Variants in SPTLC2 observed in about 807,000 individuals in gnomAD.
SPTLC2 encodes the protein serine palmitoyltransferase long chain base subunit 2, also known as serine palmitoyltransferase 2.
A neutral mutation model predicts 62.0 loss-of-function variants in SPTLC2; 21 were observed. That is an observed-to-expected ratio of 0.34 (90% CI 0.24 to 0.49). SPTLC2 has a LOEUF of 0.49. SPTLC2 is among the 20% of genes least tolerant of loss of function. SPTLC2 has a pLI of 0.99. For missense variants in SPTLC2, 511 were observed against 713.0 expected (o/e 0.72, Z 3.23); for synonymous variants, 261 against 261.8 (o/e 1.00, Z 0.03).
chr14:77,578,844 C>G (rs1169439167), intron 3 of SPTLC2, 111 bp downstream of exon 3: 2 of 1,171,246 alleles, frequency 1.7e-6, no homozygotes, highest in African/African-American at 1.5e-5. Flanking sequence ...ATATTGTATC[C>G]TCAGCTGCTA....
At chr14:77,518,819 C>T (rs548212717) in intron 10 of SPTLC2, among the ~76,000 whole-genome samples, 2 of 152,278 alleles carry the variant, frequency 1.3e-5, no homozygotes, top group Admixed American at 1.3e-4. Flanking sequence ...TCACACGTTT[C>T]TTTAATTGTC....
chr14:77,608,132 A>G (rs973002911), intron 1 of SPTLC2, among the ~76,000 whole-genome samples: 3 of 152,316 alleles, frequency 2.0e-5, no homozygotes, highest in Admixed American at 6.5e-5. Context: ...GTGATGAAGC[A>G]TATCAGAGTG....
chr14:77,572,962 C>T (rs1175746170), intron 4 of SPTLC2, among the ~76,000 whole-genome samples: 3 of 152,322 alleles, frequency 2.0e-5, no homozygotes, highest in East Asian at 1.9e-4. Context: ...TTTCTCTCTA[C>T]CAGCAATAAA....
chr14:77,616,411 A>C, intron 1 of SPTLC2, 37 bp downstream of exon 1: 2 of 1,325,198 alleles, frequency 1.5e-6, no homozygotes, highest in Non-Finnish European at 1.9e-6. Context: ...GCCAGTCCAC[A>C]CCGCCACCCC....
chr14:77,559,356 A>G (rs1443553342), intron 6 of SPTLC2, among the ~76,000 whole-genome samples: 2 of 152,172 alleles, frequency 1.3e-5, no homozygotes, highest in Admixed American at 6.6e-5. Context: ...ATGCTTAACC[A>G]TATTATCTAC....
At chr14:77,513,425 A>C (rs978153112) in intron 11 of SPTLC2, among the ~76,000 whole-genome samples, 2 of 152,242 alleles carry the variant, frequency 1.3e-5, no homozygotes, top group African/African-American at 4.8e-5. Context: ...AATGTGAAAA[A>C]TATAAAAGCA....
At chr14:77,570,802 A>C (rs894959461) in intron 4 of SPTLC2, among the ~76,000 whole-genome samples, 1 of 152,166 alleles carries the variant, frequency 6.6e-6, no homozygotes, top group Non-Finnish European at 1.5e-5. Flanking sequence ...TTCCAGGTCT[A>C]GGCCTTAGGA....
At chr14:77,573,673 G>T (rs1170536295) in intron 4 of SPTLC2, among the ~76,000 whole-genome samples, 1 of 152,152 alleles carries the variant, frequency 6.6e-6, no homozygotes, top group Non-Finnish European at 1.5e-5. Context: ...CTGTTGCCCA[G>T]GTGGAGTGCA....
intron 2 of SPTLC2, among the ~76,000 whole-genome samples, chr14:77,580,398 G>A (rs796824328): frequency 7.3e-5 from 11 of 150,636 alleles, no homozygotes; most frequent in African/African-American, 2.4e-4. Context: ...CAGCAGAATC[G>A]CTTGAACCTG....
intron 9 of SPTLC2, among the ~76,000 whole-genome samples, chr14:77,531,481 C>CCTCCTCCTCCTCCTCCT: frequency 1.1e-5 from 1 of 90,284 alleles, no homozygotes; most frequent in African/African-American, 5.2e-5. Context: ...CTCCCCCTCC[C>CCTCCTCCTCCTCCTCCT]CCTCCTCCTC....
rs1204828880 is a variant in SPTLC2, at chr14:77,510,244, AC to A, written c.*2039del. 3.7e-6 allele frequency: 1 copy of A among 272,646 alleles called. No homozygotes were observed. Among genetic ancestry groups the A allele is most frequent in the Non-Finnish European group, 6.8e-6 (1 of 147,882 alleles). The allele number at this position is 272,646 out of a possible 1,614,324, so 16.9% of individuals were successfully genotyped here. A position where few individuals can be genotyped will look rare whatever the true frequency, so the allele number is the denominator to read the frequency against. On this transcript the variant is annotated 3_prime_UTR_variant, in exon 12 of 12. Coordinates refer to ENST00000216484, the MANE Select transcript of SPTLC2 (RefSeq NM_004863.4). ...CTGTTCTTTAAAAAAGTAAAATAAA[AC>A]TTTGGAATATCTCAAGGGCTTATTA...
rs145707094 is a variant in SPTLC2, at chr14:77,606,507, G to C, written c.133-9127C>G. On this transcript the variant is annotated intron_variant, in intron 1 of 11. Transcript: ENST00000216484. ...CCCTCCCTTTAATTTCACATGCCCA[G>C]AGAAGTGGAGATTTCTCATGTTCAA... Among the ~76,000 whole-genome samples the C allele has an allele frequency of 2.1e-3, 320 of 152,096 alleles. 3 individuals carry two copies. Among genetic ancestry groups the C allele is most frequent in the African/African-American group, 7.1e-3 (296 of 41,478 alleles).
intron 5 of SPTLC2, among the ~76,000 whole-genome samples, chr14:77,565,084 T>C (rs2079637082): frequency 6.6e-6 from 1 of 150,772 alleles, no homozygotes; most frequent in Admixed American, 6.6e-5. Context: ...TACTAAGAAA[T>C]ACAAAAAATT....
rs779636212 is a variant in SPTLC2, at chr14:77,521,462, T to C, written c.1423A>G (p.Met475Val). 3.1e-6 allele frequency: 5 copies of C among 1,614,040 alleles called. No individual in the cohort carries two copies. The highest frequency in any genetic ancestry group is 4.2e-6 in the Non-Finnish European group (5 of 1,180,036). ...AAAACGTACCCAATTTTGGCAGGCA[T>C]GTAGAGCATCAAAGGCACTACTGGA... ...DSPVVPLMLY[M>V]PAKIGAFGRE... is the part of the protein sequence containing the mutation. Residue 475 changes from methionine to valine, a missense_variant, in exon 10 of 12, where the codon ATG becomes GTG. Physicochemically the swap from Met to Val is conservative, Grantham distance 21. Transcript: ENST00000216484.
chr14:77,571,566 C>T (rs41347855), intron 4 of SPTLC2, among the ~76,000 whole-genome samples: 87,182 of 150,830 alleles, frequency 0.58, 25,984 homozygotes, highest in East Asian at 0.91. Flanking sequence ...AAATTTGTAC[C>T]GCAATTTTAT....
chr14:77,611,439 G>C (rs1386108510), intron 1 of SPTLC2, among the ~76,000 whole-genome samples: 1 of 138,806 alleles, frequency 7.2e-6, no homozygotes, highest in African/African-American at 2.7e-5. Flanking sequence ...GGCCAGGCTG[G>C]AGCGAGACCC....
rs1171354367 is a variant in SPTLC2, at chr14:77,510,050, G to A, written c.*2234C>T. Reference sequence around the variant, plus strand: ...AGTAACTGCAGTGCAAAAGCTATGTGGTATTCCAGTGGGATTCTATGGTAG... The same window carrying A: ...AGTAACTGCAGTGCAAAAGCTATGTAGTATTCCAGTGGGATTCTATGGTAG... On this transcript the variant is annotated 3_prime_UTR_variant, in exon 12 of 12. Transcript: ENST00000216484. The A allele has an allele frequency of 2.0e-5, 8 of 397,552 alleles. No individual in the cohort carries two copies. Among genetic ancestry groups the A allele is most frequent in the Middle Eastern group, 1.3e-3 (2 of 1,576 alleles). The allele number at this position is 397,552 out of a possible 1,614,324, so 24.6% of individuals were successfully genotyped here. A position where few individuals can be genotyped will look rare whatever the true frequency, so the allele number is the denominator to read the frequency against.
At chr14:77,582,970 C>T (rs1417996301) in intron 2 of SPTLC2, among the ~76,000 whole-genome samples, 13 of 152,014 alleles carry the variant, frequency 8.6e-5, no homozygotes, top group Admixed American at 7.9e-4. Context: ...GGGCTCAAGG[C>T]GGGTGGATCG....
At chr14:77,583,575 ACT>A (rs936813334) in intron 2 of SPTLC2, among the ~76,000 whole-genome samples, 16 of 151,336 alleles carry the variant, frequency 1.1e-4, no homozygotes, top group African/African-American at 3.9e-4. Flanking sequence ...CATCTCCACC[ACT>A]CTCTTCCTCC....
Sources: allele counts gnomAD v4.1 joint callset (sites outside exome capture counted in the v4.1 genomes callset), GRCh38; gene constraint gnomAD v4.1.1; transcripts MANE v1.5; gene names NCBI Gene and HGNC (gene_info 2026-07-23, HGNC 2026-07-21).